The following ST3GAL6 variants were observed in gnomAD, a reference collection of about 807,000 sequenced individuals.
ST3GAL6 encodes ST3 beta-galactoside alpha-2,3-sialyltransferase 6, also known as type 2 lactosamine alpha-2,3-sialyltransferase.
ST3GAL6 carries 31 observed loss-of-function variants against 40.5 expected under a neutral mutation model. The ratio of observed to expected loss-of-function variants is 0.77; its 90% confidence interval spans 0.58 to 1.03. The LOEUF (loss-of-function observed/expected upper bound fraction) is 1.03. Ranked by LOEUF, ST3GAL6 falls within the 50% of genes least tolerant of loss-of-function variation. ST3GAL6 has a pLI of 0.00. For missense variants in ST3GAL6, 357 were observed against 393.2 expected, an observed-to-expected ratio of 0.91 and a Z score of 0.78; for synonymous variants, 129 against 136.9, an observed-to-expected ratio of 0.94 and a Z score of 0.40.
intron 1 of ST3GAL6, among the ~76,000 whole-genome samples, chr3:98,754,776 T>C (rs1300572380): frequency 6.6e-5 from 10 of 152,216 alleles, no homozygotes; most frequent in Non-Finnish European, 1.3e-4. Flanking sequence ...GTCAAGATCA[T>C]CCACTAGCAA....
intron 1 of ST3GAL6, among the ~76,000 whole-genome samples, chr3:98,753,245 C>T (rs1338104305): frequency 1.3e-5 from 2 of 152,114 alleles, no homozygotes; most frequent in African/African-American, 4.8e-5. Context: ...ATCAAACAAG[C>T]CACAAAATTT....
intron 1 of ST3GAL6, among the ~76,000 whole-genome samples, chr3:98,757,100 T>G (rs1040840721): frequency 6.6e-6 from 1 of 152,176 alleles, no homozygotes; most frequent in Non-Finnish European, 1.5e-5. Flanking sequence ...TATAACTTTA[T>G]TCTGAAAAAA....
At chr3:98,735,939 T>C (rs2107248522) in intron 1 of ST3GAL6, among the ~76,000 whole-genome samples, 1 of 152,332 alleles carries the variant, frequency 6.6e-6, no homozygotes, top group East Asian at 1.9e-4. Flanking sequence ...AGCTGCAGTG[T>C]CTCAGACTTG....
chr3:98,793,746 C>G lies in ST3GAL6; in HGVS notation c.981C>G (p.Asn327Lys). The G allele has an allele frequency of 2.5e-6, 4 of 1,600,452 alleles. No homozygotes were observed. The highest frequency in any genetic ancestry group is 3.4e-6 in the Non-Finnish European group (4 of 1,173,110). Residue 327 changes from asparagine to lysine, a missense_variant, in exon 10 of 10, where the codon AAC becomes AAG. By Grantham distance (94) the Asn-to-Lys change is moderately conservative. Transcript: ENST00000483910. ...KDIIEKNLVI[N>K]LTQD The stretch of plus-strand genomic sequence containing the variant: ...TTATAGAAAAAAACCTCGTAATCAA[C>G]TTGACTCAAGATTGACTCTACAGAC...
intron 9 of ST3GAL6, among the ~76,000 whole-genome samples, chr3:98,793,155 C>T (rs977072240): frequency 5.3e-5 from 8 of 152,104 alleles, no homozygotes; most frequent in African/African-American, 9.7e-5. Flanking sequence ...ATTTCTCCTC[C>T]GCCCTAAACT....
chr3:98,773,166 C>G (rs1939176421), intron 4 of ST3GAL6: 2 of 238,700 alleles, frequency 8.4e-6, no homozygotes, highest in African/African-American at 4.5e-5. Flanking sequence ...TACATTTGCT[C>G]TGCCGCCATG....
intron 3 of ST3GAL6, chr3:98,771,241 C>A: frequency 9.5e-7 from 1 of 1,057,326 alleles, no homozygotes; most frequent in Non-Finnish European, 1.3e-6. Flanking sequence ...GCGAATTGTT[C>A]TTTAGGGTTT....
chr3:98,755,555 T>A lies in ST3GAL6; in HGVS notation c.-11-12875T>A, dbSNP rs182544193. 1.5e-3 allele frequency among the ~76,000 whole-genome samples: 231 copies of A among 152,312 alleles called. 2 individuals carry two copies. The highest frequency in any genetic ancestry group is 5.4e-3 in the African/African-American group (223 of 41,562). On this transcript the variant is annotated intron_variant, in intron 1 of 9. Transcript: ENST00000265261. ...TTTTAAGAAACAGCACAAGGGTTAATGAGATATTCATGCAGCTGCTATTTT... is the reference window on the plus strand; with the variant it reads ...TTTTAAGAAACAGCACAAGGGTTAAAGAGATATTCATGCAGCTGCTATTTT...
At chr3:98,733,050 C>T (rs1036979338) in intron 1 of ST3GAL6, 8 of 1,414,810 alleles carry the variant, frequency 5.7e-6, no homozygotes, top group Non-Finnish European at 7.4e-6. Context: ...CGGTCTGGGC[C>T]GGGGTCCGGG....
rs965101637 is a variant in ST3GAL6 at position 98,795,501 on chromosome 3, T to TAATC, written c.*1746_*1749dup. ...AAGGTACCAGAACTGGAATCACATG[T>TAATC]AATCAATCAGTGTGATTTTCCCCTC... On this transcript the variant is annotated 3_prime_UTR_variant, in exon 10 of 10. Coordinates refer to ENST00000483910, the MANE Select transcript of ST3GAL6 (RefSeq NM_001323368.2). 14 of 152,320 alleles carry TAATC rather than the reference T, an allele frequency of 9.2e-5. No individual in the cohort carries two copies. The highest frequency in any genetic ancestry group is 2.4e-4 in the African/African-American group (10 of 41,568). The allele number at this position is 152,320 out of a possible 1,614,324, so 9.4% of individuals were successfully genotyped here.
intron 1 of ST3GAL6, among the ~76,000 whole-genome samples, chr3:98,752,540 T>C (rs1937086092): frequency 6.6e-6 from 1 of 152,134 alleles, no homozygotes; most frequent in Admixed American, 6.5e-5. Flanking sequence ...GACGCCATCT[T>C]GGCTCACTGC....
At chr3:98,734,624 A>C (rs1935369296) in intron 1 of ST3GAL6, among the ~76,000 whole-genome samples, 2 of 152,138 alleles carry the variant, frequency 1.3e-5, no homozygotes, top group Admixed American at 1.3e-4. Context: ...ATGGGACTGC[A>C]ATTTTGACTA....
At chr3:98,736,261 C>T (rs1935536207) in intron 1 of ST3GAL6, among the ~76,000 whole-genome samples, 1 of 152,230 alleles carries the variant, frequency 6.6e-6, no homozygotes, top group South Asian at 2.1e-4. Context: ...TCTTCTCCCC[C>T]ATTCTCTCTT....
chr3:98,780,684 C>T (rs34470469), intron 5 of ST3GAL6, among the ~76,000 whole-genome samples: 8,070 of 152,170 alleles, frequency 0.053, 274 homozygotes, highest in Non-Finnish European at 0.071. Flanking sequence ...CCTCTTTTTT[C>T]TTGGCTTATA....
intron 8 of ST3GAL6, 22 bp from the exon 9 acceptor site, chr3:98,791,819 T>G: frequency 6.3e-7 from 1 of 1,590,678 alleles, no homozygotes; most frequent in African/African-American, 1.4e-5. Context: ...CTTAAAAAAG[T>G]TTTTTTCATC....
chr3:98,774,158 G>A (rs369545487), intron 5 of ST3GAL6, among the ~76,000 whole-genome samples, 175 bp downstream of exon 5: 52 of 152,262 alleles, frequency 3.4e-4, no homozygotes, highest in African/African-American at 1.2e-3. Context: ...TAATTTAGAC[G>A]CTGCATAACT....
At chr3:98,750,991 C>T (rs1936969272) in intron 1 of ST3GAL6, among the ~76,000 whole-genome samples, 1 of 152,096 alleles carries the variant, frequency 6.6e-6, no homozygotes, top group Admixed American at 6.6e-5. Context: ...CCCTGTTTCC[C>T]CCAGTATGAC....
At chr3:98,748,521 A>C (rs1576041108) in intron 1 of ST3GAL6, among the ~76,000 whole-genome samples, 1 of 152,264 alleles carries the variant, frequency 6.6e-6, no homozygotes, top group East Asian at 1.9e-4. Flanking sequence ...GCTGGAGTGC[A>C]GTGGTGAGAT....
At chr3:98,782,975 ATG>A in intron 5 of ST3GAL6, 1 of 328,820 alleles carries the variant, frequency 3.0e-6, no homozygotes. Flanking sequence ...GAAGGTGCCC[ATG>A]TGTGACAAAT....
Sources: allele counts gnomAD v4.1 joint callset (sites outside exome capture counted in the v4.1 genomes callset), GRCh38; gene constraint gnomAD v4.1.1; transcripts MANE v1.5; gene names NCBI Gene and HGNC (gene_info 2026-07-23, HGNC 2026-07-21).